SLC2A13: variants seen among roughly 807,000 people sequenced by gnomAD.
SLC2A13 encodes proton myo-inositol cotransporter.
SLC2A13 carries 32 observed loss-of-function variants against 64.4 expected under a neutral mutation model. The ratio of observed to expected loss-of-function variants is 0.50; its 90% CI spans 0.37 to 0.67. The LOEUF (loss-of-function observed/expected upper bound fraction) is 0.67, where lower values mean the gene tolerates loss of function less well. SLC2A13 is among the 30% of genes least tolerant of loss of function. The probability of loss-of-function intolerance (pLI) is 0.00; values close to 1 mark genes in which losing one functional copy is unlikely to be tolerated. For synonymous variants in SLC2A13, 338 were observed against 327.1 expected, an observed-to-expected ratio of 1.03 and a Z score of -0.36; for missense variants, 743 against 829.2, an observed-to-expected ratio of 0.90 and a Z score of 1.28.
intron 7 of SLC2A13, among the ~76,000 whole-genome samples, chr12:39,786,417 G>A (rs7303581): frequency 0.98 from 149,085 of 152,162 alleles, 73,046 homozygotes; most frequent in East Asian, 1. Context: ...TGTGAGTCCA[G>A]TTAAATCTCT....
intron 7 of SLC2A13, among the ~76,000 whole-genome samples, chr12:39,791,246 G>T (rs1206938053): frequency 7.0e-6 from 1 of 143,232 alleles, no homozygotes; most frequent in Non-Finnish European, 1.5e-5. Flanking sequence ...AGCTATCTAT[G>T]ACAAACCCAC....
rs534872136 is a variant in SLC2A13, at chr12:39,961,611, G to A, written c.926-10246C>T. Among the ~76,000 whole-genome samples the A allele has an allele frequency of 4.6e-5, 7 of 151,836 alleles. No individual in the cohort carries two copies. In the East Asian group the frequency reaches 5.8e-4, roughly 13 times the overall value. ...ACTTCTGGACTCGAGCAATCCTCTC[G>A]CCTCAACCTCCCGAGTAGTTGAGAC... On this transcript the variant is annotated intron_variant, in intron 3 of 9. Coordinates refer to ENST00000280871, the MANE Select transcript of SLC2A13 (RefSeq NM_052885.4).
chr12:39,821,910 G>T lies in SLC2A13; in HGVS notation c.1445+8193C>A, dbSNP rs1211271259. Reference sequence around the variant, plus strand: ...TAGTTGAATAAAAATGGAATGAAAAGAATATTATTAATTTTTTTATTATTA... The same window carrying T: ...TAGTTGAATAAAAATGGAATGAAAATAATATTATTAATTTTTTTATTATTA... On this transcript the variant is annotated intron_variant, in intron 7 of 9. Coordinates refer to ENST00000280871, the MANE Select transcript of SLC2A13 (RefSeq NM_052885.4). Among the ~76,000 whole-genome samples, 4 of 152,074 alleles carry T rather than the reference G, an allele frequency of 2.6e-5. No homozygotes were observed. The East Asian group carries it at 5.8e-4, about 22-fold the overall frequency.
chr12:39,947,626 C>G (rs1034100717), intron 4 of SLC2A13, among the ~76,000 whole-genome samples: 3 of 149,170 alleles, frequency 2.0e-5, no homozygotes, highest in African/African-American at 7.4e-5. Flanking sequence ...GATATTATAA[C>G]TAGAGTTTAG....
chr12:39,821,549 C>T (rs528330280), intron 7 of SLC2A13, among the ~76,000 whole-genome samples: 3 of 152,262 alleles, frequency 2.0e-5, no homozygotes, highest in East Asian at 3.9e-4. Context: ...AAGCTTAATG[C>T]GTTGCTCACA....
At position 39,927,966 on chromosome 12, in the gene SLC2A13, A is replaced by G. The variant is rs191172798; in HGVS notation, c.1034+23291T>C. ...AAACTGGAACCCAAAACATTAAAGT[A>G]TAAATTAAATTATCTATATAACTAT... On this transcript the variant is annotated intron_variant, in intron 4 of 9. Transcript: ENST00000280871. Among the ~76,000 whole-genome samples, 129 of 152,354 alleles carry G rather than the reference A, an allele frequency of 8.5e-4. 1 individual carries two copies. Among genetic ancestry groups the G allele is most frequent in the African/African-American group, 3.0e-3 (126 of 41,594 alleles).
At chr12:39,784,022 T>G (rs940093661) in intron 7 of SLC2A13, among the ~76,000 whole-genome samples, 1 of 152,134 alleles carries the variant, frequency 6.6e-6, no homozygotes, top group Non-Finnish European at 1.5e-5. Flanking sequence ...TTACAAGGGA[T>G]GTGAAGGACC....
At chr12:39,908,713 C>T (rs1395472861) in intron 4 of SLC2A13, among the ~76,000 whole-genome samples, 1 of 151,974 alleles carries the variant, frequency 6.6e-6, no homozygotes, top group Non-Finnish European at 1.5e-5. Context: ...GGTTTTCACT[C>T]TCACCCTTAT....
chr12:39,982,556 A>T (rs1035853253), intron 3 of SLC2A13, among the ~76,000 whole-genome samples: 18 of 150,904 alleles, frequency 1.2e-4, no homozygotes, highest in African/African-American at 4.4e-4. Flanking sequence ...GAGCCAAATC[A>T]TGAGTGAACT....
chr12:39,759,469 C>T lies in SLC2A13; in HGVS notation c.*557G>A, dbSNP rs1940058549. On this transcript the variant is annotated 3_prime_UTR_variant, in exon 10 of 10. Transcript: ENST00000280871. ...AAAAATATGGAATCCAAAGGAGATA[C>T]GGACAGCTGTGCCCTTGTAGGAGGC... The T allele has an allele frequency of 6.5e-6, 1 of 152,672 alleles. No homozygotes were observed. The highest frequency in any genetic ancestry group is 6.6e-5 in the Admixed American group (1 of 15,218). 9.5% of individuals were successfully genotyped at this position (152,672 alleles called of 1,614,324 possible). A position where few individuals can be genotyped will look rare whatever the true frequency, so the allele number is the denominator to read the frequency against.
At chr12:39,771,338 G>T (rs1211546591) in intron 7 of SLC2A13, among the ~76,000 whole-genome samples, 1 of 152,150 alleles carries the variant, frequency 6.6e-6, no homozygotes. Context: ...AGATTCCAGT[G>T]CTGTTGAGCT....
rs902192231 is a variant in SLC2A13, at chr12:40,097,200, C to T, written c.556+8053G>A. Among the ~76,000 whole-genome samples, 4 of 151,990 alleles carry T rather than the reference C, an allele frequency of 2.6e-5. No individual in the cohort carries two copies. The South Asian group carries it at 8.3e-4, about 32-fold the overall frequency. On this transcript the variant is annotated intron_variant, in intron 1 of 9. Coordinates refer to ENST00000280871, the MANE Select transcript of SLC2A13 (RefSeq NM_052885.4). ...GTTAAGCTGCTAAAAAGCATTATATCAAAGGAAATGAAGATAATATATTTT... is the reference window on the plus strand; with the variant it reads ...GTTAAGCTGCTAAAAAGCATTATATTAAAGGAAATGAAGATAATATATTTT...
At chr12:40,104,024 T>C (rs1939223436) in intron 1 of SLC2A13, among the ~76,000 whole-genome samples, 1 of 152,206 alleles carries the variant, frequency 6.6e-6, no homozygotes, top group Non-Finnish European at 1.5e-5. Flanking sequence ...GGTTCCCGCA[T>C]GTGGAGTTGA....
intron 4 of SLC2A13, among the ~76,000 whole-genome samples, chr12:39,941,342 C>A (rs1338410269): frequency 1.3e-5 from 2 of 152,180 alleles, no homozygotes; most frequent in African/African-American, 4.8e-5. Context: ...TTTAAGGAAT[C>A]TCCACGCTGT....
intron 3 of SLC2A13, among the ~76,000 whole-genome samples, chr12:39,957,962 G>C (rs4491317): frequency 0.13 from 19,465 of 152,090 alleles, 1,280 homozygotes; most frequent in South Asian, 0.24. Flanking sequence ...CTCTAACAGA[G>C]GTACATATAC....
In SLC2A13 at chr12:40,105,902, G is replaced by A. The variant is rs1355045477; in HGVS notation, c.-94C>T. On this transcript the variant is annotated 5_prime_UTR_variant, in exon 1 of 10. Coordinates refer to ENST00000280871, the MANE Select transcript of SLC2A13 (RefSeq NM_052885.4). The surrounding 1 kb of genome is among the most constrained non-coding windows in gnomAD (Gnocchi z 4.2). ...GCCCGAGCCGGCGGGAGCAACCGCC[G>A]CTGCCGCCGCTTTCTTCCTCCCGGC... 4.1e-5 allele frequency: 52 copies of A among 1,253,620 alleles called. No individual in the cohort carries two copies. In the East Asian group the frequency reaches 1.5e-3, roughly 37 times the overall value. The allele number at this position is 1,253,620 out of a possible 1,614,324, so 77.7% of individuals were successfully genotyped here. A position where few individuals can be genotyped will look rare whatever the true frequency, so the allele number is the denominator to read the frequency against.
chr12:40,064,999 T>G (rs963882553), intron 1 of SLC2A13, among the ~76,000 whole-genome samples: 1 of 152,200 alleles, frequency 6.6e-6, no homozygotes, highest in African/African-American at 2.4e-5. Flanking sequence ...ATCCCAGTTT[T>G]TTTATTTCTA....
intron 4 of SLC2A13, among the ~76,000 whole-genome samples, chr12:39,896,564 A>C (rs570503182): frequency 9.0e-6 from 1 of 110,782 alleles, no homozygotes; most frequent in South Asian, 3.1e-4. Context: ...ATGTATACAT[A>C]TATGTATGTA....
intron 4 of SLC2A13, among the ~76,000 whole-genome samples, chr12:39,874,396 C>G (rs144273812): frequency 0.02 from 3,099 of 152,138 alleles, 47 homozygotes; most frequent in Admixed American, 0.031. Flanking sequence ...GGTGGATCAC[C>G]TGAGGACAGG....
Sources: gnomAD v4.1 joint callset for allele counts (sites outside exome capture counted in the v4.1 genomes callset) on GRCh38, gnomAD v4.1.1 for gene constraint, Gnocchi (gnomAD v3.1) non-coding constraint, MANE v1.5 for transcripts, NCBI Gene and HGNC (gene_info 2026-07-23, HGNC 2026-07-21) for gene names.